CHST9: variants seen among roughly 807,000 people sequenced by gnomAD.
CHST9 encodes GalNAc-4-sulfotransferase 2.
CHST9 carries 41 observed loss-of-function variants against 44.4 expected under a neutral mutation model. The ratio of observed to expected loss-of-function variants is 0.92; its 90% CI spans 0.72 to 1.20. The LOEUF (loss-of-function observed/expected upper bound fraction) is 1.20. Among genes scored for constraint, CHST9 ranks in the 50% most tolerant of loss-of-function variants. CHST9 has a pLI of 0.00. For synonymous variants in CHST9, 171 were observed against 178.4 expected (o/e 0.96, Z 0.33); for missense variants, 504 against 516.5 (o/e 0.98, Z 0.23).
At chr18:26,982,467 A>C (rs1379069745) in intron 4 of CHST9, among the ~76,000 whole-genome samples, 1 of 152,134 alleles carries the variant, frequency 6.6e-6, no homozygotes, top group African/African-American at 2.4e-5. Context: ...CAGTAGCAAC[A>C]AAACTCAACA....
At chr18:27,160,291 C>G (rs1342724737) in intron 1 of CHST9, among the ~76,000 whole-genome samples, 1 of 152,082 alleles carries the variant, frequency 6.6e-6, no homozygotes. Context: ...CCCATCAATA[C>G]CTAATTTATT....
At chr18:27,094,523 G>A (rs2058098515) in intron 2 of CHST9, among the ~76,000 whole-genome samples, 1 of 152,094 alleles carries the variant, frequency 6.6e-6, no homozygotes, top group Admixed American at 6.5e-5. Flanking sequence ...AATTTCTTAT[G>A]TATAACTATT....
intron 2 of CHST9, among the ~76,000 whole-genome samples, chr18:27,110,702 C>T (rs537423411): frequency 2.0e-5 from 3 of 152,322 alleles, no homozygotes; most frequent in African/African-American, 7.2e-5. Flanking sequence ...CAGACATCCC[C>T]TCATGCTTCA....
intron 2 of CHST9, among the ~76,000 whole-genome samples, chr18:27,142,194 G>A (rs1288441127): frequency 1.3e-5 from 2 of 152,104 alleles, no homozygotes; most frequent in South Asian, 2.1e-4. Flanking sequence ...GGTATGGCCT[G>A]CAAAGAGTAA....
intron 4 of CHST9, among the ~76,000 whole-genome samples, chr18:27,015,790 T>C (rs1303774314): frequency 6.6e-6 from 1 of 152,174 alleles, no homozygotes; most frequent in African/African-American, 2.4e-5. Flanking sequence ...AATTCTCTGC[T>C]TCTTGTTTCT....
At chr18:26,973,543 G>A (rs1253810676) in intron 4 of CHST9, among the ~76,000 whole-genome samples, 1 of 152,202 alleles carries the variant, frequency 6.6e-6, no homozygotes, top group Admixed American at 6.5e-5. Flanking sequence ...GAATGTGGCC[G>A]AACACAAATT....
intron 4 of CHST9, among the ~76,000 whole-genome samples, chr18:27,008,717 A>C (rs1250379288): frequency 6.6e-6 from 1 of 152,038 alleles, no homozygotes; most frequent in East Asian, 1.9e-4. Context: ...TCTTGTATCT[A>C]TCTCTTTTCC....
intron 2 of CHST9, among the ~76,000 whole-genome samples, chr18:27,126,236 C>T (rs540355849): frequency 7.9e-5 from 12 of 152,270 alleles, no homozygotes; most frequent in Non-Finnish European, 1.3e-4. Context: ...AAGGCATACA[C>T]CTGTATTTAG....
At chr18:27,025,699 T>A (rs1330684179) in intron 3 of CHST9, among the ~76,000 whole-genome samples, 1 of 152,130 alleles carries the variant, frequency 6.6e-6, no homozygotes, top group East Asian at 1.9e-4. Flanking sequence ...GTACAACTGA[T>A]CCCCAGGGGC....
chr18:27,100,736 T>C (rs983214206), intron 2 of CHST9, among the ~76,000 whole-genome samples: 7 of 152,244 alleles, frequency 4.6e-5, no homozygotes, highest in African/African-American at 1.2e-4. Context: ...GTATATTATA[T>C]GGGCAACAAA....
At chr18:26,952,228 C>A (rs2056258142) in intron 4 of CHST9, 1 of 527,294 alleles carries the variant, frequency 1.9e-6, no homozygotes, top group Non-Finnish European at 3.8e-6. Context: ...ACAAGGCTCC[C>A]CGGACTTCTG....
intron 5 of CHST9, among the ~76,000 whole-genome samples, chr18:26,920,637 C>T (rs985663170): frequency 2.0e-5 from 3 of 152,196 alleles, no homozygotes; most frequent in African/African-American, 7.2e-5. Context: ...AGTAAATGTG[C>T]TTCTAATTTA....
At chr18:27,155,824 A>C (rs2058694736) in intron 1 of CHST9, among the ~76,000 whole-genome samples, 1 of 152,146 alleles carries the variant, frequency 6.6e-6, no homozygotes, top group South Asian at 2.1e-4. Context: ...AGCATGATTA[A>C]ATGGACAAAT....
At chr18:26,984,345 A>T (rs556281442) in intron 4 of CHST9, among the ~76,000 whole-genome samples, 1 of 152,314 alleles carries the variant, frequency 6.6e-6, no homozygotes, top group South Asian at 2.1e-4. Flanking sequence ...CCTGACTCCC[A>T]CTTCACAAAC....
At chr18:27,053,250 A>G (rs190527213) in intron 2 of CHST9, among the ~76,000 whole-genome samples, 7 of 87,220 alleles carry the variant, frequency 8.0e-5, no homozygotes, top group African/African-American at 1.2e-4. Flanking sequence ...GAAGAAGAAG[A>G]AGAAGAAGAA....
At chr18:27,092,072 C>T (rs1233694728) in intron 2 of CHST9, among the ~76,000 whole-genome samples, 2 of 152,066 alleles carry the variant, frequency 1.3e-5, no homozygotes, top group African/African-American at 4.8e-5. Context: ...ATCTGTCGTC[C>T]TGGACTTTTT....
intron 2 of CHST9, among the ~76,000 whole-genome samples, chr18:27,077,762 A>G (rs2057919517): frequency 6.6e-6 from 1 of 152,244 alleles, no homozygotes; most frequent in Non-Finnish European, 1.5e-5. Context: ...ATATAAAGAC[A>G]GAAAAATATA....
At chr18:27,181,851 C>T (rs2058915093) in intron 1 of CHST9, among the ~76,000 whole-genome samples, 1 of 152,174 alleles carries the variant, frequency 6.6e-6, no homozygotes. Flanking sequence ...ATATGATTTC[C>T]TGCAAAGTTT....
chr18:26,964,298 C>T (rs533880218), intron 4 of CHST9, among the ~76,000 whole-genome samples: 2 of 152,268 alleles, frequency 1.3e-5, no homozygotes, highest in South Asian at 4.1e-4. Context: ...ACGACCTTAA[C>T]AAGGTATTGG....
Sources: allele counts gnomAD v4.1 joint callset (sites outside exome capture counted in the v4.1 genomes callset), GRCh38; gene constraint gnomAD v4.1.1; transcripts MANE v1.5; gene names NCBI Gene and HGNC (gene_info 2026-07-23, HGNC 2026-07-21).